Variants in NETO1 observed in about 807,000 individuals in gnomAD.
The protein encoded by NETO1 is neuropilin and tolloid-like protein 1.
In NETO1, 26 loss-of-function variants were observed where a neutral mutation model predicts 61.3. That is an observed-to-expected ratio of 0.42 (90% CI 0.31 to 0.59). The LOEUF (loss-of-function observed/expected upper bound fraction) is 0.59, where lower values mean the gene tolerates loss of function less well. Ranked by LOEUF, NETO1 falls within the 20% of genes least tolerant of loss-of-function variation. NETO1 has a pLI of 0.12. For synonymous variants in NETO1, 225 were observed against 225.8 expected (o/e 1.00, Z 0.03); for missense variants, 531 against 662.8 (o/e 0.80, Z 2.18).
rs1267952513 is a variant in NETO1 at position 72,798,575 on chromosome 18, T to G, written c.470-4171A>C. 2.6e-5 allele frequency among the ~76,000 whole-genome samples: 4 copies of G among 152,286 alleles called. No individual in the cohort carries two copies. In the East Asian group the frequency reaches 7.7e-4, roughly 29 times the overall value. On this transcript the variant is annotated intron_variant, in intron 4 of 10. Transcript: ENST00000327305. ...CAGGCTTTAAGTCAAAATCCGCCAC[T>G]TATTTTAGTCCGCATGTGACACACC...
intron 4 of NETO1, among the ~76,000 whole-genome samples, chr18:72,815,216 A>G (rs2072994962): frequency 6.6e-6 from 1 of 152,180 alleles, no homozygotes; most frequent in Non-Finnish European, 1.5e-5. Context: ...AAGTAAGCAA[A>G]TATAGTATTT....
intron 4 of NETO1, among the ~76,000 whole-genome samples, chr18:72,820,838 G>A (rs1002154468): frequency 3.3e-5 from 5 of 152,074 alleles, no homozygotes; most frequent in African/African-American, 4.8e-5. Flanking sequence ...GTCTTGAGTC[G>A]GGTGATTTTC....
At chr18:72,859,461 A>G (rs1249593014) in intron 3 of NETO1, among the ~76,000 whole-genome samples, 1 of 152,192 alleles carries the variant, frequency 6.6e-6, no homozygotes, top group African/African-American at 2.4e-5. Flanking sequence ...TCACTTGAGA[A>G]TTGTTTGGCA....
intron 4 of NETO1, among the ~76,000 whole-genome samples, chr18:72,796,544 T>C (rs1280429651): frequency 6.6e-6 from 1 of 152,170 alleles, no homozygotes; most frequent in African/African-American, 2.4e-5. Context: ...CGCAGTGATC[T>C]CGTCTCACTG....
intron 3 of NETO1, among the ~76,000 whole-genome samples, chr18:72,861,180 G>A (rs114276732): frequency 2.0e-5 from 3 of 152,206 alleles, no homozygotes; most frequent in Admixed American, 6.5e-5. Flanking sequence ...TCAACCTCTC[G>A]ATGTTCCCCA....
intron 4 of NETO1, among the ~76,000 whole-genome samples, chr18:72,810,070 G>C (rs74948102): frequency 6.6e-6 from 1 of 152,126 alleles, no homozygotes; most frequent in Non-Finnish European, 1.5e-5. Flanking sequence ...CAATTTAAGA[G>C]GTCATCTCCT....
chr18:72,807,580 T>C (rs1394670333), intron 4 of NETO1, among the ~76,000 whole-genome samples: 5 of 152,140 alleles, frequency 3.3e-5, no homozygotes, highest in African/African-American at 1.2e-4. Flanking sequence ...TGATAGATAG[T>C]AACAAGGCAA....
intron 4 of NETO1, among the ~76,000 whole-genome samples, chr18:72,828,133 C>T (rs1047175130): frequency 3.3e-5 from 5 of 152,170 alleles, no homozygotes; most frequent in Admixed American, 6.5e-5. Context: ...GCCAATATGG[C>T]GAAACCCCGT....
In NETO1 at chr18:72,867,611, A is replaced by G; in HGVS notation, c.-320T>C. ...CGCCACCATCCGCGCCGCCGCCGTC[A>G]GGACCCTCCTCCCGGGCATCGTCGC... On this transcript the variant is annotated 5_prime_UTR_variant, in exon 1 of 11. Transcript: ENST00000327305. 1 of 224,674 alleles carries G rather than the reference A, an allele frequency of 4.5e-6. No individual in the cohort carries two copies. The highest frequency in any genetic ancestry group is 8.6e-6 in the Non-Finnish European group (1 of 115,982). 13.9% of individuals were successfully genotyped at this position (224,674 alleles called of 1,614,324 possible).
chr18:72,801,542 G>A (rs2072507654), intron 4 of NETO1, among the ~76,000 whole-genome samples: 1 of 152,104 alleles, frequency 6.6e-6, no homozygotes, highest in South Asian at 2.1e-4. Flanking sequence ...TACATTTTCA[G>A]AGATTAGCTT....
intron 4 of NETO1, chr18:72,834,998 A>T: frequency 1.1e-6 from 1 of 895,804 alleles, no homozygotes; most frequent in Non-Finnish European, 1.3e-6. Flanking sequence ...ATAATATTAT[A>T]TTAAAAGATT....
At chr18:72,806,512 ATCTC>A (rs2072679873) in intron 4 of NETO1, among the ~76,000 whole-genome samples, 1 of 152,152 alleles carries the variant, frequency 6.6e-6, no homozygotes, top group Non-Finnish European at 1.5e-5. Flanking sequence ...TGAAAAATTA[ATCTC>A]TCTAAATCGA....
chr18:72,805,381 G>A (rs1038474420), intron 4 of NETO1, among the ~76,000 whole-genome samples: 4 of 152,202 alleles, frequency 2.6e-5, no homozygotes, highest in Admixed American at 6.5e-5. Flanking sequence ...ATATATCTAC[G>A]TGACTAAAAG....
chr18:72,796,479 AT>A (rs543470745), intron 4 of NETO1, among the ~76,000 whole-genome samples: 3 of 152,152 alleles, frequency 2.0e-5, no homozygotes, highest in South Asian at 2.1e-4. Context: ...TTTAAAATAG[AT>A]TTTTTTTGTT....
chr18:72,815,475 A>G (rs1484413587), intron 4 of NETO1, among the ~76,000 whole-genome samples: 5 of 152,122 alleles, frequency 3.3e-5, no homozygotes, highest in Admixed American at 3.3e-4. Flanking sequence ...AGACAACACA[A>G]CATAAGACAG....
intron 4 of NETO1, among the ~76,000 whole-genome samples, chr18:72,817,904 T>A (rs984918998): frequency 7.9e-5 from 12 of 152,198 alleles, no homozygotes; most frequent in African/African-American, 2.9e-4. Flanking sequence ...CCATATAGAA[T>A]GGAAATATTG....
chr18:72,748,166 TG>T lies in NETO1; in HGVS notation c.*15-3del, dbSNP rs1208899034. 1 of 982,500 alleles carries T rather than the reference TG, an allele frequency of 1.0e-6. No homozygotes were observed. The highest frequency in any genetic ancestry group is 1.1e-4 in the East Asian group (1 of 8,808). The allele number at this position is 982,500 out of a possible 1,614,324, so 60.9% of individuals were successfully genotyped here. ...CATGTTTGTATAAATAGTTCTTCTC[TG>T]AAAATAAAAAACAGTTAAAACATTT... On this transcript the variant is annotated splice_polypyrimidine_tract_variant and splice_region_variant and intron_variant, in intron 10 of 10. Transcript: ENST00000327305.
intron 7 of NETO1, among the ~76,000 whole-genome samples, chr18:72,772,916 A>G (rs1174574167): frequency 7.3e-6 from 1 of 137,826 alleles, no homozygotes; most frequent in Non-Finnish European, 1.5e-5. Flanking sequence ...CTGGCATTCC[A>G]GTATTTCTGG....
intron 7 of NETO1, among the ~76,000 whole-genome samples, chr18:72,763,480 AC>A (rs1359382403): frequency 6.6e-6 from 1 of 151,288 alleles, no homozygotes; most frequent in Admixed American, 6.6e-5. Context: ...AATTATTTTA[AC>A]TTCTTTAATT....
Sources: allele counts gnomAD v4.1 joint callset (sites outside exome capture counted in the v4.1 genomes callset), GRCh38; gene constraint gnomAD v4.1.1; transcripts MANE v1.5; gene names NCBI Gene and HGNC (gene_info 2026-07-23, HGNC 2026-07-21).